The following STARD13 variants were observed in gnomAD, a reference collection of about 807,000 sequenced individuals.
STARD13 encodes the protein stAR-related lipid transfer protein 13.
In STARD13, 62 loss-of-function variants were observed where a neutral mutation model predicts 106.4. The observed-to-expected ratio is 0.58, with a 90% confidence interval of 0.48 to 0.72. The LOEUF (loss-of-function observed/expected upper bound fraction) is 0.72, where lower values mean the gene tolerates loss of function less well. STARD13 is among the 30% of genes least tolerant of loss of function. The pLI, the probability that STARD13 is intolerant of heterozygous loss-of-function variation, is 0.00. For synonymous variants in STARD13, 565 were observed against 553.0 expected, an observed-to-expected ratio of 1.02 and a Z score of -0.31; for missense variants, 1,387 against 1,424.0, an observed-to-expected ratio of 0.97 and a Z score of 0.42.
At chr13:33,182,731 G>A (rs539974796) in intron 1 of STARD13, among the ~76,000 whole-genome samples, 1 of 152,360 alleles carries the variant, frequency 6.6e-6, no homozygotes, top group Admixed American at 6.5e-5. Context: ...CTCTCATTTT[G>A]TCTAAACCAG....
chr13:33,583,167 A>G, the STARD13 span, among the ~76,000 whole-genome samples: 1 of 152,360 alleles, frequency 6.6e-6, no homozygotes, highest in Admixed American at 6.5e-5. Context: ...TGTAGAAGTC[A>G]GTAGACTTAC....
chr13:33,667,039 T>G, the STARD13 span, among the ~76,000 whole-genome samples: 1 of 152,378 alleles, frequency 6.6e-6, no homozygotes, highest in Non-Finnish European at 1.5e-5. Flanking sequence ...CCAAACATCA[T>G]GTAGACTGAA....
chr13:33,395,072 A>G, the STARD13 span, among the ~76,000 whole-genome samples: 2 of 152,194 alleles, frequency 1.3e-5, no homozygotes, highest in Non-Finnish European at 2.9e-5. Context: ...TGGCTGGATT[A>G]GCTTTATTTT....
intron 1 of STARD13, among the ~76,000 whole-genome samples, chr13:33,186,355 T>C (rs916425534): frequency 6.6e-6 from 1 of 152,196 alleles, no homozygotes; most frequent in Non-Finnish European, 1.5e-5. Flanking sequence ...ACAGAGTCTT[T>C]TAGTAGCGAA....
the STARD13 span, among the ~76,000 whole-genome samples, chr13:33,505,690 G>A: frequency 5.9e-5 from 9 of 151,958 alleles, no homozygotes; most frequent in East Asian, 1.9e-4. Context: ...AAAGTATTTC[G>A]AAGTCTAGTT....
the STARD13 span, among the ~76,000 whole-genome samples, chr13:33,672,071 T>G: frequency 3.3e-5 from 5 of 152,238 alleles, no homozygotes; most frequent in Non-Finnish European, 5.9e-5. Context: ...TGCACATGTA[T>G]GTTTATTGCA....
At chr13:33,540,729 T>C in the STARD13 span, among the ~76,000 whole-genome samples, 2 of 152,236 alleles carry the variant, frequency 1.3e-5, no homozygotes, top group Non-Finnish European at 2.9e-5. Flanking sequence ...CAATTCTTTT[T>C]TCAATAAAGT....
the STARD13 span, among the ~76,000 whole-genome samples, chr13:33,404,065 G>T: frequency 6.6e-6 from 1 of 152,308 alleles, no homozygotes; most frequent in South Asian, 2.1e-4. Flanking sequence ...TTATTGATGA[G>T]TAGTAATACG....
the STARD13 span, among the ~76,000 whole-genome samples, chr13:33,557,928 C>T: frequency 4.1e-4 from 62 of 152,282 alleles, 1 homozygote; most frequent in African/African-American, 1.4e-3. Flanking sequence ...GTGAGAGTTT[C>T]CTTTTCTGTG....
intron 1 of STARD13, among the ~76,000 whole-genome samples, chr13:33,188,757 A>G (rs1317423984): frequency 6.6e-6 from 1 of 152,242 alleles, no homozygotes; most frequent in Non-Finnish European, 1.5e-5. Context: ...CTAGACTTTA[A>G]TATCAGATCC....
At chr13:33,513,899 C>A in the STARD13 span, among the ~76,000 whole-genome samples, 2 of 151,992 alleles carry the variant, frequency 1.3e-5, no homozygotes, top group African/African-American at 4.8e-5. Flanking sequence ...CGTAACGTAA[C>A]AAGGAAGATA....
intron 1 of STARD13, among the ~76,000 whole-genome samples, chr13:33,254,248 C>G (rs1222774839): frequency 6.6e-6 from 1 of 152,142 alleles, no homozygotes; most frequent in Non-Finnish European, 1.5e-5. Flanking sequence ...AATTTGTACA[C>G]CTCAACAGAG....
chr13:33,496,565 C>T, the STARD13 span, among the ~76,000 whole-genome samples: 1 of 152,100 alleles, frequency 6.6e-6, no homozygotes, highest in Admixed American at 6.6e-5. Context: ...TTGTTTAGGT[C>T]AGACATTTGT....
At chr13:33,616,909 G>T in the STARD13 span, among the ~76,000 whole-genome samples, 1 of 152,198 alleles carries the variant, frequency 6.6e-6, no homozygotes, top group African/African-American at 2.4e-5. Context: ...TGTGTCTTTT[G>T]AGACCTGAGT....
At chr13:33,173,607 C>T (rs797223) in intron 1 of STARD13, among the ~76,000 whole-genome samples, 53,868 of 151,938 alleles carry the variant, frequency 0.35, 9,747 homozygotes, top group Non-Finnish European at 0.4. Context: ...TAATTGTATA[C>T]CAAATATAAT....
the STARD13 span, among the ~76,000 whole-genome samples, chr13:33,630,626 T>C: frequency 6.6e-6 from 1 of 152,182 alleles, no homozygotes; most frequent in Non-Finnish European, 1.5e-5. Context: ...ATCCAAGAGT[T>C]ATGGGTAGGA....
upstream of STARD13, among the ~76,000 whole-genome samples, chr13:33,287,911 G>A (rs1184303427): frequency 6.6e-6 from 1 of 151,972 alleles, no homozygotes; most frequent in Non-Finnish European, 1.5e-5. Context: ...GTGAGGAAAA[G>A]GTAAAAAGGT....
chr13:33,397,313 C>T, the STARD13 span, among the ~76,000 whole-genome samples: 5 of 152,180 alleles, frequency 3.3e-5, no homozygotes, highest in Admixed American at 6.5e-5. Flanking sequence ...GGGGCAGGCA[C>T]ACTTACTGCC....
At chr13:33,307,387 T>C (rs1323135421) in intron 1 of STARD13, among the ~76,000 whole-genome samples, 1 of 152,134 alleles carries the variant, frequency 6.6e-6, no homozygotes. Context: ...CTGTTCACAA[T>C]AGCAAAGACA....
Sources: allele counts gnomAD v4.1 joint callset (sites outside exome capture counted in the v4.1 genomes callset), GRCh38; gene constraint gnomAD v4.1.1; transcripts MANE v1.5; gene names NCBI Gene and HGNC (gene_info 2026-07-23, HGNC 2026-07-21).